Variants in PSMD14 observed in about 807,000 individuals in gnomAD.
PSMD14 encodes proteasome 26S subunit, non-ATPase 14.
Under a neutral mutation model 41.2 loss-of-function variants are expected in PSMD14, and 7 were observed. That is an observed-to-expected ratio of 0.17 (90% CI 0.10 to 0.32). The LOEUF is 0.32. PSMD14 is among the 10% of genes least tolerant of loss of function. PSMD14 has a pLI of 1.00. For missense variants in PSMD14, 139 were observed against 375.6 expected (o/e 0.37, Z 5.21); for synonymous variants, 114 against 122.3 (o/e 0.93, Z 0.45).
intron 6 of PSMD14, among the ~76,000 whole-genome samples, 159 bp downstream of exon 6, chr2:161,370,336 G>T (rs1298276976): frequency 6.6e-6 from 1 of 152,076 alleles, no homozygotes; most frequent in Non-Finnish European, 1.5e-5. Flanking sequence ...CACCTGTCTA[G>T]TATATCTTCC....
intron 3 of PSMD14, among the ~76,000 whole-genome samples, chr2:161,357,792 T>C (rs1199079313): frequency 6.6e-6 from 1 of 152,156 alleles, no homozygotes; most frequent in Non-Finnish European, 1.5e-5. Flanking sequence ...TTATGTAGCT[T>C]AAGTACCTCT....
chr2:161,342,335 T>A (rs934752943), intron 3 of PSMD14, among the ~76,000 whole-genome samples: 4 of 149,218 alleles, frequency 2.7e-5, no homozygotes, highest in Admixed American at 2.7e-4. Flanking sequence ...TGTTGAGACT[T>A]TTTTTTTTTA....
chr2:161,312,384 T>G (rs1478487070), intron 1 of PSMD14, among the ~76,000 whole-genome samples: 2 of 152,184 alleles, frequency 1.3e-5, no homozygotes, highest in Non-Finnish European at 2.9e-5. Flanking sequence ...CCTCAAGTGA[T>G]CTGCCCCCCT....
intron 5 of PSMD14, among the ~76,000 whole-genome samples, chr2:161,368,190 A>G (rs760229695): frequency 8.6e-5 from 13 of 151,566 alleles, no homozygotes; most frequent in East Asian, 3.8e-4. Flanking sequence ...TACTTACCCT[A>G]TAATAGCAGA....
intron 4 of PSMD14, 75 bp from the exon 5 acceptor site, chr2:161,367,709 G>C (rs1683378167): frequency 1.3e-6 from 2 of 1,526,984 alleles, no homozygotes; most frequent in Non-Finnish European, 1.8e-6. Context: ...AACAAAATTT[G>C]GTTTTTGTTT....
chr2:161,405,635 TTATA>T (rs1200304653), intron 10 of PSMD14, among the ~76,000 whole-genome samples: 3 of 152,180 alleles, frequency 2.0e-5, no homozygotes, highest in Admixed American at 6.5e-5. Context: ...ATAATATTGT[TTATA>T]TAGTCAATAC....
intron 10 of PSMD14, among the ~76,000 whole-genome samples, chr2:161,402,881 G>A (rs1471499383): frequency 6.6e-6 from 1 of 152,074 alleles, no homozygotes; most frequent in African/African-American, 2.4e-5. Flanking sequence ...AAACCACAAT[G>A]GCTAGAATCA....
At chr2:161,326,376 T>C (rs1385714852) in intron 3 of PSMD14, among the ~76,000 whole-genome samples, 2 of 152,122 alleles carry the variant, frequency 1.3e-5, no homozygotes, top group Non-Finnish European at 2.9e-5. Flanking sequence ...ATGGCTATTA[T>C]CCAAATTAAA....
intron 10 of PSMD14, among the ~76,000 whole-genome samples, chr2:161,396,328 C>T (rs1018292777): frequency 6.6e-5 from 10 of 152,044 alleles, no homozygotes; most frequent in African/African-American, 2.4e-4. Context: ...GTATGCACTC[C>T]CATGTTTATT....
At chr2:161,326,576 C>T (rs1306887585) in intron 3 of PSMD14, among the ~76,000 whole-genome samples, 2 of 152,190 alleles carry the variant, frequency 1.3e-5, no homozygotes, top group Non-Finnish European at 2.9e-5. Flanking sequence ...TAATTGAAAG[C>T]AGAGACTCCA....
In PSMD14 at chr2:161,367,404, A is replaced by T. The variant is rs185564818; in HGVS notation, c.49-74A>T. On this transcript the variant is annotated intron_variant, in intron 3 of 11. Transcript: ENST00000409682. ...ACTATTTTAAAAATATCAAGTTTAT[A>T]CCACATGTAACTTGAATTTTAAACT... 369 of 1,196,056 alleles carry T rather than the reference A, an allele frequency of 3.1e-4. 4 individuals are homozygous for T. In the East Asian group the frequency reaches 7.4e-3, roughly 24 times the overall value. 74.1% of individuals were successfully genotyped at this position (1,196,056 alleles called of 1,614,324 possible).
chr2:161,373,352 A>G (rs1683464681), intron 7 of PSMD14, among the ~76,000 whole-genome samples: 1 of 151,768 alleles, frequency 6.6e-6, no homozygotes, highest in South Asian at 2.1e-4. Context: ...CACTTGTTGG[A>G]CCTAATGTCT....
intron 3 of PSMD14, among the ~76,000 whole-genome samples, chr2:161,325,451 ATTGT>A (rs920542760): frequency 2.6e-5 from 4 of 152,232 alleles, no homozygotes; most frequent in African/African-American, 9.6e-5. Flanking sequence ...TGTTGTTTCA[ATTGT>A]TTGTCTCAGG....
rs145933362 is a variant in PSMD14 at position 161,395,710 on chromosome 2, G to GA, written c.771+511dup. Among the ~76,000 whole-genome samples, 1,368 of 152,182 alleles carry GA rather than the reference G, an allele frequency of 9.0e-3. 22 individuals carry two copies. Among genetic ancestry groups the GA allele is most frequent in the African/African-American group, 0.031 (1,298 of 41,518 alleles). On this transcript the variant is annotated intron_variant, in intron 10 of 11. Coordinates refer to ENST00000409682, the MANE Select transcript of PSMD14 (RefSeq NM_005805.6). ...ATAGATTGCAACTCATTAATGGGTT[G>GA]AAAACCTACAATTTTAAAATACACA...
chr2:161,376,781 C>T (rs1479577599), intron 7 of PSMD14, among the ~76,000 whole-genome samples: 1 of 151,870 alleles, frequency 6.6e-6, no homozygotes, highest in African/African-American at 2.4e-5. Context: ...ACTGAGACTT[C>T]TTTGAGGAGA....
intron 10 of PSMD14, among the ~76,000 whole-genome samples, chr2:161,402,652 A>G (rs1683895659): frequency 6.6e-6 from 1 of 150,884 alleles, no homozygotes; most frequent in Non-Finnish European, 1.5e-5. Flanking sequence ...TAAACAAAAC[A>G]AAACAAAACA....
intron 3 of PSMD14, among the ~76,000 whole-genome samples, chr2:161,357,575 C>T (rs1683225045): frequency 6.6e-6 from 1 of 152,096 alleles, no homozygotes; most frequent in Non-Finnish European, 1.5e-5. Context: ...CCTTGTTTTA[C>T]AAGGGATATG....
chr2:161,315,493 AC>A (rs1332536403), intron 1 of PSMD14, among the ~76,000 whole-genome samples: 5 of 152,232 alleles, frequency 3.3e-5, no homozygotes, highest in African/African-American at 1.2e-4. Context: ...AAAAAAGACT[AC>A]AGAGATGAAG....
chr2:161,411,396 A>T lies in PSMD14; in HGVS notation c.929A>T (p.Lys310Ile). 6.2e-7 allele frequency: 1 copy of T among 1,600,476 alleles called. No individual in the cohort carries two copies. The highest frequency in any genetic ancestry group is 8.5e-7 in the Non-Finnish European group (1 of 1,170,704). Reference sequence around the variant, plus strand: ...GCTATGTTGGATACTGTCGTATTTAAATAAAGCAACGAAAAACGCTATTAA... The same window carrying T: ...GCTATGTTGGATACTGTCGTATTTATATAAAGCAACGAAAAACGCTATTAA... ...LAAMLDTVVFK is the reference protein window; with the variant it reads ...LAAMLDTVVFI Residue 310 changes from lysine to isoleucine, a missense_variant, in exon 12 of 12, where the codon AAA (lysine) becomes ATA (isoleucine). This residue lies in a region of PSMD14 where 80 missense variants were observed against 138.1 expected (regional missense o/e 0.58). Coordinates refer to ENST00000409682, the MANE Select transcript of PSMD14 (RefSeq NM_005805.6).
Sources: allele counts gnomAD v4.1 joint callset (sites outside exome capture counted in the v4.1 genomes callset), GRCh38; gene constraint gnomAD v4.1.1; regional missense constraint gnomAD v4.1.1; transcripts MANE v1.5; gene names NCBI Gene and HGNC (gene_info 2026-07-23, HGNC 2026-07-21).